Variants in TRPC4AP observed in about 807,000 individuals in gnomAD.
The protein encoded by TRPC4AP is transient receptor potential cation channel subfamily C member 4 associated protein.
Under a neutral mutation model 99.0 loss-of-function variants are expected in TRPC4AP, and 45 were observed. That is an observed-to-expected ratio of 0.45 (90% CI 0.36 to 0.58). The LOEUF is 0.58. TRPC4AP is among the 20% of genes least tolerant of loss of function. TRPC4AP has a pLI of 0.00. For synonymous variants in TRPC4AP, 408 were observed against 385.8 expected, an observed-to-expected ratio of 1.06 and a Z score of -0.67; for missense variants, 879 against 985.3, an observed-to-expected ratio of 0.89 and a Z score of 1.44.
Position 35,086,471 on chromosome 20 carries a change from GTGTGTA to G in TRPC4AP, c.168+6137_168+6142del, listed in dbSNP as rs1434007707. ...TGTGTGTGTGTGTGTGTGTGTGTGT[GTGTGTA>G]TGTGTGTGTATATATATATGTGTAT... On this transcript the variant is annotated intron_variant, in intron 1 of 18. Transcript: ENST00000252015. Among the ~76,000 whole-genome samples, 45 of 83,394 alleles carry G rather than the reference GTGTGTA, an allele frequency of 5.4e-4. 1 individual carries two copies. Among genetic ancestry groups the G allele is most frequent in the South Asian group, 1.1e-3 (3 of 2,628 alleles). The allele number at this position is 83,394 out of a possible 152,430, so 54.7% of individuals were successfully genotyped here. A position where few individuals can be genotyped will look rare whatever the true frequency, so the allele number is the denominator to read the frequency against.
chr20:35,039,095 A>C (rs546710261), intron 7 of TRPC4AP, among the ~76,000 whole-genome samples: 3 of 152,352 alleles, frequency 2.0e-5, no homozygotes, highest in South Asian at 2.1e-4. Flanking sequence ...AGCAAAAAAA[A>C]CAAAAAAGAA....
At chr20:35,035,898 C>A (rs6120804) in intron 7 of TRPC4AP, among the ~76,000 whole-genome samples, 28,153 of 152,112 alleles carry the variant, frequency 0.19, 2,698 homozygotes, top group Middle Eastern at 0.34. Context: ...TCAAAATACA[C>A]AAGGAATGAA....
intron 8 of TRPC4AP, among the ~76,000 whole-genome samples, chr20:35,028,976 TG>T (rs1231408685): frequency 2.6e-5 from 4 of 152,036 alleles, no homozygotes; most frequent in Non-Finnish European, 5.9e-5. Context: ...TTTGGCTGGG[TG>T]GTGGTGGCTC....
intron 14 of TRPC4AP, 126 bp from the exon 15 acceptor site, chr20:35,006,701 ATTC>A: frequency 7.8e-7 from 1 of 1,279,580 alleles, no homozygotes; most frequent in South Asian, 1.5e-5. Context: ...CACTGTCTAG[ATTC>A]TTGTCTGAGG....
intron 10 of TRPC4AP, among the ~76,000 whole-genome samples, chr20:35,013,302 G>T (rs959591335): frequency 6.6e-6 from 1 of 152,220 alleles, no homozygotes; most frequent in East Asian, 1.9e-4. Context: ...AAAATAAGGC[G>T]GGGCGTGGTG....
intron 5 of TRPC4AP, among the ~76,000 whole-genome samples, chr20:35,053,670 A>AAC (rs947179747): frequency 3.9e-5 from 6 of 152,148 alleles, no homozygotes; most frequent in African/African-American, 4.8e-5. Flanking sequence ...AGAAAAACAA[A>AAC]ACACACACAC....
chr20:35,076,567 T>G (rs935274098), intron 2 of TRPC4AP, among the ~76,000 whole-genome samples: 3 of 152,196 alleles, frequency 2.0e-5, no homozygotes, highest in Non-Finnish European at 4.4e-5. Flanking sequence ...CAGCAGAGGC[T>G]GCAGAACAGC....
intron 1 of TRPC4AP, among the ~76,000 whole-genome samples, chr20:35,088,586 G>A (rs1398735443): frequency 2.6e-5 from 4 of 152,168 alleles, no homozygotes; most frequent in Admixed American, 1.3e-4. Context: ...CACTGGCTAC[G>A]CTTTTAAAAC....
chr20:35,006,372 C>CAGG, intron 15 of TRPC4AP, 63 bp downstream of exon 15: 9 of 1,584,956 alleles, frequency 5.7e-6, no homozygotes, highest in Non-Finnish European at 7.8e-6. Flanking sequence ...CCTGGCAGAC[C>CAGG]AGGACTCCAG....
chr20:35,060,559 C>T (rs1312930474), intron 3 of TRPC4AP, among the ~76,000 whole-genome samples: 2 of 131,156 alleles, frequency 1.5e-5, no homozygotes, highest in African/African-American at 5.7e-5. Context: ...TGCATTCCAG[C>T]CTGGGTGACA....
chr20:35,021,998 A>T (rs866530416), intron 8 of TRPC4AP, among the ~76,000 whole-genome samples: 4 of 152,262 alleles, frequency 2.6e-5, no homozygotes, highest in Middle Eastern at 3.4e-3. Flanking sequence ...GGGACACTTG[A>T]TATGTGTCAG....
In TRPC4AP at chr20:35,021,103, C is replaced by G. The variant is rs2082876641; in HGVS notation, c.1218+87G>C. 4 of 1,444,616 alleles carry G rather than the reference C, an allele frequency of 2.8e-6. No individual in the cohort carries two copies. The East Asian group carries it at 9.2e-5, about 33-fold the overall frequency. The allele number at this position is 1,444,616 out of a possible 1,614,324, so 89.5% of individuals were successfully genotyped here. ...CAGGCTAAAGCGAGAGCCATTCTAACAGAAGGCCCAGTGGAGCACCTGGCA... is the reference window on the plus strand; with the variant it reads ...CAGGCTAAAGCGAGAGCCATTCTAAGAGAAGGCCCAGTGGAGCACCTGGCA... On this transcript the variant is annotated intron_variant, in intron 9 of 18. Transcript: ENST00000252015.
chr20:35,005,940 A>G, intron 15 of TRPC4AP, 137 bp from the exon 16 acceptor site: 1 of 714,998 alleles, frequency 1.4e-6, no homozygotes, highest in Non-Finnish European at 2.3e-6. Context: ...AGAGGCTCAG[A>G]TAAGCTGAGG....
chr20:35,002,990 C>CT lies in TRPC4AP; in HGVS notation c.*155_*156insA. 1 of 1,048,320 alleles carries CT rather than the reference C, an allele frequency of 9.5e-7. No homozygotes were observed. The highest frequency in any genetic ancestry group is 2.5e-5 in the East Asian group (1 of 40,124). The allele number at this position is 1,048,320 out of a possible 1,614,324, so 64.9% of individuals were successfully genotyped here. A position where few individuals can be genotyped will look rare whatever the true frequency, so the allele number is the denominator to read the frequency against. ...CTAGGGCCCTCAGACCCAGGGGGAC[C>CT]AAGGGCTTCTAGGACTTCCCTCCCA... On this transcript the variant is annotated 3_prime_UTR_variant, in exon 19 of 19. Coordinates refer to ENST00000252015, the MANE Select transcript of TRPC4AP (RefSeq NM_015638.3).
At chr20:35,059,952 C>T (rs1453031157) in intron 3 of TRPC4AP, among the ~76,000 whole-genome samples, 1 of 151,754 alleles carries the variant, frequency 6.6e-6, no homozygotes, top group Non-Finnish European at 1.5e-5. Flanking sequence ...GAAGAAAAAA[C>T]AGAACATCTG....
At chr20:35,070,903 TAGTA>T (rs2084294541) in intron 2 of TRPC4AP, among the ~76,000 whole-genome samples, 1 of 152,170 alleles carries the variant, frequency 6.6e-6, no homozygotes, top group South Asian at 2.1e-4. Flanking sequence ...ACCTAAAACA[TAGTA>T]AGTTTCAAAT....
chr20:35,080,014 A>T (rs1188557088), intron 1 of TRPC4AP, among the ~76,000 whole-genome samples: 8 of 21,856 alleles, frequency 3.7e-4, no homozygotes, highest in Admixed American at 1.5e-3. Flanking sequence ...AGAGCAAGAT[A>T]AAAAAAAAAA....
chr20:35,040,204 G>A (rs1386282172), intron 7 of TRPC4AP, among the ~76,000 whole-genome samples: 2 of 152,010 alleles, frequency 1.3e-5, no homozygotes, highest in East Asian at 3.9e-4. Flanking sequence ...AACTTGACTG[G>A]ACTATGGGAT....
At chr20:35,013,138 T>G in intron 10 of TRPC4AP, 72 bp from the exon 11 acceptor site, 1 of 1,436,082 alleles carries the variant, frequency 7.0e-7, no homozygotes. Context: ...GCAGACACTC[T>G]GGTGGGAGCC....
Sources: gnomAD v4.1 joint callset for allele counts (sites outside exome capture counted in the v4.1 genomes callset) on GRCh38, gnomAD v4.1.1 for gene constraint, MANE v1.5 for transcripts, NCBI Gene and HGNC (gene_info 2026-07-23, HGNC 2026-07-21) for gene names.